The following THBS2 variants were observed in gnomAD, a reference collection of about 807,000 sequenced individuals.
THBS2 encodes thrombospondin-2.
Under a neutral mutation model 135.2 loss-of-function variants are expected in THBS2, and 47 were observed. The observed-to-expected ratio is 0.35, with a 90% CI of 0.28 to 0.44. The LOEUF is 0.44. Ranked by LOEUF, THBS2 falls within the 20% of genes least tolerant of loss-of-function variation. THBS2 has a pLI of 1.00. For synonymous variants in THBS2, 639 were observed against 633.8 expected (o/e 1.01, Z -0.12); for missense variants, 1,288 against 1,603.1 (o/e 0.80, Z 3.36).
intron 21 of THBS2, among the ~76,000 whole-genome samples, chr6:169,218,700 GGATGGATGAGACAGGTGGA>G (rs1253560639): frequency 6.7e-6 from 1 of 148,708 alleles, no homozygotes; most frequent in African/African-American, 2.5e-5. Context: ...TGGGATGGAT[GGATGGATGAGACAGGTGGA>G]TGGATGGATG....
rs780642046 is a variant in THBS2 at position 169,234,865 on chromosome 6, G to T, written c.1520C>A (p.Thr507Asn). ...WSPWSPWSAC[T>N]VTCAGGIRER... Reference sequence around the variant, plus strand: ...CCGGATCCCACCGGCACAGGTGACAGTGCAGGCCGACCACGGGGACCAGGG... The same window carrying T: ...CCGGATCCCACCGGCACAGGTGACATTGCAGGCCGACCACGGGGACCAGGG... The change falls in exon 10 of 22, where the codon ACT becomes AAT. Residue 507 changes from threonine (T) to asparagine (N), a missense_variant. Transcript: ENST00000617924. 6.2e-7 allele frequency: 1 copy of T among 1,612,428 alleles called. No individual in the cohort carries two copies. The highest frequency in any genetic ancestry group is 1.1e-5 in the South Asian group (1 of 91,012).
At chr6:169,247,612 G>A (rs1280893549) in intron 3 of THBS2, among the ~76,000 whole-genome samples, 1 of 152,204 alleles carries the variant, frequency 6.6e-6, no homozygotes, top group Non-Finnish European at 1.5e-5. Flanking sequence ...TTGTGCACGT[G>A]TGTATGTGTG....
rs1365702253 is a variant in THBS2, at chr6:169,237,338, C to T, written c.1309G>A (p.Asp437Asn). Residue 437 changes from aspartate (D) to asparagine (N), a missense_variant, in exon 9 of 22, where the codon GAC (aspartate) becomes AAC (asparagine). Asp to Asn is a conservative substitution (Grantham distance 23). Transcript: ENST00000617924. ...LSKCDTRIRQDGGWSHWSPWS... is the reference protein window; with the variant it reads ...LSKCDTRIRQNGGWSHWSPWS... ...GGTGACCAGTGGCTCCAGCCGCCGT[C>T]CTGCCGGACTAACACAAGAAGCGGA... 1.2e-6 allele frequency: 2 copies of T among 1,613,164 alleles called. No homozygotes were observed. The highest frequency in any genetic ancestry group is 2.7e-5 in the African/African-American group (2 of 74,960).
intron 17 of THBS2, among the ~76,000 whole-genome samples, chr6:169,224,473 C>T (rs1363945137): frequency 2.0e-5 from 3 of 152,218 alleles, no homozygotes; most frequent in Admixed American, 1.3e-4. Context: ...CATGCTGTCT[C>T]AGATGCCCCT....
intron 4 of THBS2, 62 bp from the exon 5 acceptor site, chr6:169,242,020 G>C: frequency 6.5e-7 from 1 of 1,535,396 alleles, no homozygotes; most frequent in Non-Finnish European, 8.8e-7. Context: ...GCAGGGGCTG[G>C]GAACAGAGGG....
rs531705167 is a variant in THBS2 at position 169,242,071 on chromosome 6, G to A, written c.695-113C>T. The A allele has an allele frequency of 4.1e-6, 5 of 1,217,456 alleles. No individual in the cohort carries two copies. The Admixed American group carries it at 9.7e-5, about 24-fold the overall frequency. 75.4% of individuals were successfully genotyped at this position (1,217,456 alleles called of 1,614,324 possible). A position where few individuals can be genotyped will look rare whatever the true frequency, so the allele number is the denominator to read the frequency against. On this transcript the variant is annotated intron_variant, in intron 4 of 21. Transcript: ENST00000617924. Reference sequence around the variant, plus strand: ...GGCTCCCGGAGCGGCCTGGTGCTGGGAGACACAAGGCGGAGGACTGGGCCA... The same window carrying A: ...GGCTCCCGGAGCGGCCTGGTGCTGGAAGACACAAGGCGGAGGACTGGGCCA...
chr6:169,222,338 C>T lies in THBS2; in HGVS notation c.3132G>A (p.Gln1044=), dbSNP rs34465242. Residue 1044 remains glutamine (Q), a synonymous_variant, in exon 19 of 22, where the codon CAG becomes CAA. Coordinates refer to ENST00000617924, the MANE Select transcript of THBS2 (RefSeq NM_003247.5). Reference sequence around the variant, plus strand: ...GGTCCTCCCAGTAGGTCTGCGTCACCTGCTTCCACATCACCACATAGAAGC... The same window carrying T: ...GGTCCTCCCAGTAGGTCTGCGTCACTTGCTTCCACATCACCACATAGAAGC... The part of the protein sequence containing the change: ...SSRFYVVMWK[Q]VTQTYWEDQP... 1.5e-4 allele frequency: 238 copies of T among 1,613,694 alleles called. No individual in the cohort carries two copies. In the African/African-American group the frequency reaches 2.7e-3, roughly 19 times the overall value.
Position 169,216,756 on chromosome 6 carries a change from T to C in THBS2, c.*1066A>G, listed in dbSNP as rs1051625129. The C allele has an allele frequency of 2.6e-5, 4 of 152,216 alleles. No homozygotes were observed. The highest frequency in any genetic ancestry group is 5.9e-5 in the Non-Finnish European group (4 of 68,038). The allele number at this position is 152,216 out of a possible 1,614,324, so 9.4% of individuals were successfully genotyped here. A position where few individuals can be genotyped will look rare whatever the true frequency, so the allele number is the denominator to read the frequency against. ...TTGTTTCTAGAAATTATACTACATA[T>C]GTGTTACTAGGCATATTTAAAATAA... On this transcript the variant is annotated 3_prime_UTR_variant, in exon 22 of 22. Transcript: ENST00000617924.
rs567309721 is a variant in THBS2, at chr6:169,221,228, T to C, written c.3371+202A>G. Among the ~76,000 whole-genome samples the C allele has an allele frequency of 2.6e-5, 4 of 152,360 alleles. No individual in the cohort carries two copies. The East Asian group carries it at 7.7e-4, about 29-fold the overall frequency. On this transcript the variant is annotated intron_variant, in intron 20 of 21. Transcript: ENST00000617924. ...ATCCCAAAACAAAGCAGATTGTATA[T>C]TCTCCTTTTCAACCATTTTTTAAAA...
At chr6:169,239,780 A>G in intron 6 of THBS2, 85 bp from the exon 7 acceptor site, 1 of 1,010,658 alleles carries the variant, frequency 9.9e-7, no homozygotes, top group Admixed American at 2.1e-5. Context: ...AGGGGTCGAC[A>G]GAATGGCTGA....
intron 14 of THBS2, 29 bp downstream of exon 14, chr6:169,229,543 G>C: frequency 6.3e-7 from 1 of 1,593,018 alleles, no homozygotes; most frequent in Non-Finnish European, 8.6e-7. Flanking sequence ...TGGAACCCAG[G>C]GCAGGTGCGC....
intron 13 of THBS2, among the ~76,000 whole-genome samples, 174 bp downstream of exon 13, chr6:169,231,806 T>A (rs1779844169): frequency 6.6e-6 from 1 of 152,132 alleles, no homozygotes; most frequent in African/African-American, 2.4e-5. Context: ...ACTAAGGACC[T>A]CCAGAGAGGG....
intron 7 of THBS2, among the ~76,000 whole-genome samples, chr6:169,238,762 C>T (rs896055501): frequency 1.3e-5 from 2 of 152,224 alleles, no homozygotes; most frequent in African/African-American, 4.8e-5. Context: ...TCTCTGTCCA[C>T]ATCAGAGGTA....
intron 2 of THBS2, among the ~76,000 whole-genome samples, chr6:169,249,285 C>T (rs897304237): frequency 2.0e-4 from 30 of 152,088 alleles, no homozygotes; most frequent in African/African-American, 7.0e-4. Context: ...GCGCCCTGTC[C>T]GTTCAGCTGG....
At position 169,229,601 on chromosome 6, in the gene THBS2, C is replaced by T. The variant is rs751145010; in HGVS notation, c.2230G>A (p.Asp744Asn). The T allele has an allele frequency of 5.6e-6, 9 of 1,613,978 alleles. No individual in the cohort carries two copies. The highest frequency in any genetic ancestry group is 7.6e-6 in the Non-Finnish European group (9 of 1,179,976). The change falls in exon 14 of 22, where the codon GAT (aspartate) becomes AAT (asparagine). Residue 744 changes from aspartate to asparagine, a missense_variant. Physicochemically the swap from Asp to Asn is conservative, Grantham distance 23. This residue lies in a region of THBS2 where 874 missense variants were observed against 1,156.1 expected (regional missense o/e 0.76). Coordinates refer to ENST00000617924, the MANE Select transcript of THBS2 (RefSeq NM_003247.5). The part of the protein sequence containing the change: ...DGIGDACDDD[D>N]DNDGVTDEKD... ...TCATCGGTCACACCGTCATTGTCAT[C>T]GTCATCATCACAGGCATCGCCAATC... is the stretch of plus-strand genomic sequence containing the variant.
At chr6:169,219,307 TTGGA>T (rs1445850242) in intron 21 of THBS2, among the ~76,000 whole-genome samples, 1 of 89,420 alleles carries the variant, frequency 1.1e-5, no homozygotes, top group African/African-American at 5.0e-5. Flanking sequence ...GGATGGGTGG[TTGGA>T]TGGATGAGAT....
chr6:169,242,617 G>C (rs71552383), intron 4 of THBS2, among the ~76,000 whole-genome samples: 7 of 27,296 alleles, frequency 2.6e-4, no homozygotes, highest in Admixed American at 3.9e-4. Flanking sequence ...CCTTCCCACC[G>C]CTCCCACCTT....
intron 12 of THBS2, 44 bp downstream of exon 12, chr6:169,232,620 T>C: frequency 1.3e-6 from 2 of 1,553,754 alleles, no homozygotes; most frequent in Non-Finnish European, 1.7e-6. Context: ...ATCTGATTTT[T>C]CCAAAGCCGC....
At chr6:169,230,644 A>G (rs1359491400) in intron 13 of THBS2, among the ~76,000 whole-genome samples, 2 of 152,208 alleles carry the variant, frequency 1.3e-5, no homozygotes, top group Non-Finnish European at 2.9e-5. Flanking sequence ...TGCAAATTAT[A>G]TACCATTTTC....
Sources: allele counts gnomAD v4.1 joint callset (sites outside exome capture counted in the v4.1 genomes callset), GRCh38; gene constraint gnomAD v4.1.1; regional missense constraint gnomAD v4.1.1; transcripts MANE v1.5; gene names NCBI Gene and HGNC (gene_info 2026-07-23, HGNC 2026-07-21).